ALG5: variants seen among roughly 807,000 people sequenced by gnomAD.
ALG5 encodes dolichyl-phosphate beta-glucosyltransferase.
ALG5 carries 26 observed loss-of-function variants against 51.8 expected under a neutral mutation model. The observed-to-expected ratio is 0.50, with a 90% CI of 0.37 to 0.70. The LOEUF is 0.70. ALG5 is among the 30% of genes least tolerant of loss of function. The probability of loss-of-function intolerance (pLI) is 0.00; values close to 1 mark genes in which losing one functional copy is unlikely to be tolerated. For missense variants in ALG5, 311 were observed against 399.3 expected (o/e 0.78, Z 1.88); for synonymous variants, 141 against 136.1 (o/e 1.04, Z -0.25).
In ALG5 at chr13:36,995,062, C is replaced by T. The variant is rs201366228; in HGVS notation, c.239-27G>A. ...TTGAAGAAAAAAATATATTAAAAATCACTTTTGAAAATGATTTTCCAAGCC... is the reference window on the plus strand; with the variant it reads ...TTGAAGAAAAAAATATATTAAAAATTACTTTTGAAAATGATTTTCCAAGCC... On this transcript the variant is annotated intron_variant, in intron 2 of 9. Coordinates refer to ENST00000239891, the MANE Select transcript of ALG5 (RefSeq NM_013338.5). 1.0e-3 allele frequency: 1,634 copies of T among 1,604,044 alleles called. 2 individuals are homozygous for T. The highest frequency in any genetic ancestry group is 1.2e-3 in the Non-Finnish European group (1,421 of 1,171,706).
At chr13:36,976,986 T>C (rs1404621690) in intron 6 of ALG5, among the ~76,000 whole-genome samples, 1 of 152,186 alleles carries the variant, frequency 6.6e-6, no homozygotes, top group Non-Finnish European at 1.5e-5. Flanking sequence ...ATTTCAAAGA[T>C]TCATGAGTAG....
intron 6 of ALG5, among the ~76,000 whole-genome samples, chr13:36,978,119 C>T (rs1392013152): frequency 6.7e-6 from 1 of 150,180 alleles, no homozygotes. Flanking sequence ...ATCTCCTGAC[C>T]TCATGATCCA....
intron 5 of ALG5, among the ~76,000 whole-genome samples, 166 bp downstream of exon 5, chr13:36,989,318 T>C (rs528191353): frequency 2.0e-5 from 3 of 152,230 alleles, no homozygotes; most frequent in Non-Finnish European, 4.4e-5. Context: ...ATTATAGATA[T>C]GACACATCTT....
chr13:36,993,263 C>T (rs1157435414), intron 4 of ALG5, among the ~76,000 whole-genome samples: 2 of 152,132 alleles, frequency 1.3e-5, no homozygotes, highest in African/African-American at 2.4e-5. Flanking sequence ...TTTCTATTGG[C>T]GTGACTGCTT....
chr13:36,993,557 T>C (rs1593686966), intron 4 of ALG5, 47 bp downstream of exon 4: 1 of 1,517,294 alleles, frequency 6.6e-7, no homozygotes, highest in East Asian at 2.3e-5. Context: ...TGCAAAATTA[T>C]TCTCTATTTT....
chr13:36,995,729 T>C (rs2138832333), intron 1 of ALG5, 133 bp from the exon 2 acceptor site: 1 of 862,444 alleles, frequency 1.2e-6, no homozygotes, highest in Non-Finnish European at 1.8e-6. Flanking sequence ...TCATTAACAA[T>C]GGTCTAGAGG....
chr13:36,968,533 G>C (rs1358468854), intron 7 of ALG5, among the ~76,000 whole-genome samples: 2 of 152,148 alleles, frequency 1.3e-5, no homozygotes, highest in African/African-American at 2.4e-5. Flanking sequence ...AGAACACATG[G>C]GAATGTAAGC....
intron 4 of ALG5, among the ~76,000 whole-genome samples, chr13:36,991,956 G>T (rs2059027300): frequency 6.6e-6 from 1 of 152,128 alleles, no homozygotes; most frequent in Admixed American, 6.5e-5. Flanking sequence ...TAAAGTCCTG[G>T]CTGTCCCTTA....
intron 8 of ALG5, among the ~76,000 whole-genome samples, chr13:36,960,276 T>C (rs1292814119): frequency 6.6e-6 from 1 of 152,186 alleles, no homozygotes. Flanking sequence ...TGGAAATTAA[T>C]ATCTAAAACT....
chr13:36,987,123 T>C (rs1391790157), intron 5 of ALG5, among the ~76,000 whole-genome samples: 3 of 152,204 alleles, frequency 2.0e-5, no homozygotes, highest in Admixed American at 2.0e-4. Context: ...CAGGTTCAAC[T>C]ATCATCTGAC....
chr13:36,957,089 C>T (rs1469813145), intron 8 of ALG5, among the ~76,000 whole-genome samples: 4 of 152,056 alleles, frequency 2.6e-5, no homozygotes, highest in South Asian at 4.2e-4. Context: ...CCAGACCTTT[C>T]ACTTAGGCAT....
At chr13:36,979,804 T>C (rs1232663263) in intron 6 of ALG5, among the ~76,000 whole-genome samples, 2 of 152,126 alleles carry the variant, frequency 1.3e-5, no homozygotes, top group Non-Finnish European at 2.9e-5. Context: ...TCCCAGCACT[T>C]TGGGGGCCAA....
intron 1 of ALG5, 92 bp downstream of exon 1, chr13:36,999,143 C>A: frequency 8.2e-7 from 1 of 1,222,604 alleles, no homozygotes; most frequent in Non-Finnish European, 1.1e-6. Flanking sequence ...TCTCCGAGAA[C>A]TGGTAGCGCG....
chr13:36,964,870 A>G (rs2138790630), intron 8 of ALG5, among the ~76,000 whole-genome samples: 1 of 150,924 alleles, frequency 6.6e-6, no homozygotes, highest in South Asian at 2.1e-4. Flanking sequence ...GGTTGCAGTG[A>G]GCTGAAATCC....
chr13:36,956,603 G>A (rs890168849), intron 8 of ALG5, among the ~76,000 whole-genome samples: 10 of 152,200 alleles, frequency 6.6e-5, no homozygotes, highest in African/African-American at 2.4e-4. Context: ...GAAAAACTGG[G>A]AAGGAAAATG....
At chr13:36,988,013 G>A (rs959706352) in intron 5 of ALG5, among the ~76,000 whole-genome samples, 1 of 152,144 alleles carries the variant, frequency 6.6e-6, no homozygotes, top group Non-Finnish European at 1.5e-5. Flanking sequence ...ATTGTGGCAT[G>A]TTCTTTCACA....
At chr13:36,962,757 C>G (rs1392380084) in intron 8 of ALG5, among the ~76,000 whole-genome samples, 1 of 152,178 alleles carries the variant, frequency 6.6e-6, no homozygotes, top group Non-Finnish European at 1.5e-5. Context: ...GAACTGCTGT[C>G]TAATACAACA....
At position 36,952,603 on chromosome 13, in the gene ALG5, A is replaced by T. The variant is rs750080094; in HGVS notation, c.774-4T>A. Reference sequence around the variant, plus strand: ...CAGTAGTTCTACATCAAATGCCCTAAAATAGAAAATATATTGATATTTATT... The same window carrying T: ...CAGTAGTTCTACATCAAATGCCCTATAATAGAAAATATATTGATATTTATT... On this transcript the variant is annotated splice_polypyrimidine_tract_variant and splice_region_variant and intron_variant, in intron 8 of 9. Transcript: ENST00000239891. The T allele has an allele frequency of 4.0e-6, 6 of 1,511,750 alleles. No individual in the cohort carries two copies. The East Asian group carries it at 9.6e-5, about 24-fold the overall frequency. The allele number at this position is 1,511,750 out of a possible 1,614,324, so 93.6% of individuals were successfully genotyped here. A position where few individuals can be genotyped will look rare whatever the true frequency, so the allele number is the denominator to read the frequency against.
At chr13:36,952,839 C>T (rs151085161) in intron 8 of ALG5, 12 of 271,542 alleles carry the variant, frequency 4.4e-5, no homozygotes, top group East Asian at 4.3e-4. Flanking sequence ...CAGAAACTCA[C>T]AGAGGTAAAA....
Sources: gnomAD v4.1 joint callset for allele counts (sites outside exome capture counted in the v4.1 genomes callset) on GRCh38, gnomAD v4.1.1 for gene constraint, MANE v1.5 for transcripts, NCBI Gene and HGNC (gene_info 2026-07-23, HGNC 2026-07-21) for gene names.